Variants in GPAT3 observed in about 807,000 individuals in gnomAD.
The protein encoded by GPAT3 is 1-AGP acyltransferase 9.
In GPAT3, 53 loss-of-function variants were observed where a neutral mutation model predicts 58.8. That is an observed-to-expected ratio of 0.90 (90% CI 0.72 to 1.13). GPAT3 has a LOEUF of 1.13. Among genes scored for constraint, GPAT3 ranks in the 50% most tolerant of loss-of-function variants. GPAT3 has a pLI of 0.00. For synonymous variants in GPAT3, 197 were observed against 187.4 expected, an observed-to-expected ratio of 1.05 and a Z score of -0.42; for missense variants, 511 against 527.6, an observed-to-expected ratio of 0.97 and a Z score of 0.31.
At position 83,586,240 on chromosome 4, in the gene GPAT3, T is replaced by C. The variant is rs549470514; in HGVS notation, c.480-1015T>C. Reference sequence around the variant, plus strand: ...GACAAACGATTTTATGCTCCAAATATCTGATCAGAAAGTAAAGATAGCTAC... The same window carrying C: ...GACAAACGATTTTATGCTCCAAATACCTGATCAGAAAGTAAAGATAGCTAC... On this transcript the variant is annotated intron_variant, in intron 3 of 11. Transcript: ENST00000264409. Among the ~76,000 whole-genome samples the C allele has an allele frequency of 3.3e-5, 5 of 152,272 alleles. No individual in the cohort carries two copies. In the South Asian group the frequency reaches 1.0e-3, roughly 32 times the overall value.
chr4:83,581,947 G>T, intron 3 of GPAT3, 115 bp downstream of exon 3: 3 of 1,374,188 alleles, frequency 2.2e-6, no homozygotes, highest in South Asian at 2.9e-5. Context: ...TTCCCACGTA[G>T]GAAATGCCAC....
intron 3 of GPAT3, among the ~76,000 whole-genome samples, chr4:83,582,776 T>G (rs193081991): frequency 2.7e-4 from 39 of 145,570 alleles, no homozygotes; most frequent in African/African-American, 6.8e-4. Flanking sequence ...ATTTCTGGGT[T>G]GTTGTTGTTG....
At chr4:83,592,236 G>A (rs111690065) in intron 6 of GPAT3, among the ~76,000 whole-genome samples, 185 of 152,192 alleles carry the variant, frequency 1.2e-3, no homozygotes, top group East Asian at 5.4e-3. Flanking sequence ...ATGTATAACC[G>A]CAATTACAAT....
intron 2 of GPAT3, among the ~76,000 whole-genome samples, chr4:83,562,887 T>C (rs1725234246): frequency 1.3e-5 from 2 of 152,158 alleles, no homozygotes; most frequent in Admixed American, 1.3e-4. Flanking sequence ...GTGGGCTATA[T>C]TTTTCTCCCA....
At position 83,536,405 on chromosome 4, in the gene GPAT3, G is replaced by A; in HGVS notation, c.-218G>A. ...AGCCCAGACCTGGGCAGCCAGCGGA[G>A]AAAGAGTTAACTGGCAGGGGCGAGG... On this transcript the variant is annotated 5_prime_UTR_variant, in exon 1 of 12. Transcript: ENST00000264409. 1 of 1,347,054 alleles carries A rather than the reference G, an allele frequency of 7.4e-7. No homozygotes were observed. Among genetic ancestry groups the A allele is most frequent in the Non-Finnish European group, 9.5e-7 (1 of 1,049,594 alleles). The allele number at this position is 1,347,054 out of a possible 1,614,324, so 83.4% of individuals were successfully genotyped here.
At chr4:83,576,664 G>A (rs1055430095) in intron 2 of GPAT3, among the ~76,000 whole-genome samples, 3 of 151,822 alleles carry the variant, frequency 2.0e-5, no homozygotes, top group African/African-American at 7.3e-5. Context: ...GGCTGGTCTC[G>A]AACTCCTGAC....
At chr4:83,585,729 G>T (rs1726351810) in intron 3 of GPAT3, among the ~76,000 whole-genome samples, 1 of 151,894 alleles carries the variant, frequency 6.6e-6, no homozygotes, top group Admixed American at 6.6e-5. Context: ...TCTCGTTACA[G>T]GGATGTGTCA....
Position 83,581,839 on chromosome 4 carries a change from C to A in GPAT3, c.479+7C>A. ...GTGTCCTACTGCCTCTGAGGTAAGT[C>A]ATATGCCTGGTAATTTGATGATACG... On this transcript the variant is annotated splice_region_variant and intron_variant, in intron 3 of 11. Transcript: ENST00000264409. The A allele has an allele frequency of 1.3e-6, 2 of 1,594,936 alleles. No individual in the cohort carries two copies. Among genetic ancestry groups the A allele is most frequent in the South Asian group, 2.2e-5 (2 of 89,370 alleles).
chr4:83,569,623 G>A (rs1230886650), intron 2 of GPAT3, among the ~76,000 whole-genome samples: 2 of 152,240 alleles, frequency 1.3e-5, no homozygotes, highest in South Asian at 2.1e-4. Flanking sequence ...CAGGATGCCT[G>A]TGCACTGATG....
chr4:83,566,564 G>A (rs1348021422), intron 2 of GPAT3, among the ~76,000 whole-genome samples: 4 of 151,232 alleles, frequency 2.6e-5, no homozygotes, highest in South Asian at 4.2e-4. Flanking sequence ...GAGCCACTAC[G>A]CCCGGCCTCC....
intron 8 of GPAT3, 101 bp downstream of exon 8, chr4:83,597,014 T>C: frequency 9.7e-7 from 1 of 1,026,610 alleles, no homozygotes; most frequent in Non-Finnish European, 1.5e-6. Flanking sequence ...TTAGCCCAGA[T>C]CTCTGCCCTT....
At chr4:83,596,418 C>T (rs775977226) in intron 7 of GPAT3, among the ~76,000 whole-genome samples, 2 of 152,022 alleles carry the variant, frequency 1.3e-5, no homozygotes, top group African/African-American at 2.4e-5. Flanking sequence ...CTCAGGAGTT[C>T]GAGACCAACC....
chr4:83,585,375 ATTAC>A (rs1311091736), intron 3 of GPAT3, among the ~76,000 whole-genome samples: 1 of 150,180 alleles, frequency 6.7e-6, no homozygotes, highest in East Asian at 1.9e-4. Context: ...ATATTAATGT[ATTAC>A]TTTATTATCC....
Position 83,593,682 on chromosome 4 carries a change from A to G in GPAT3, c.739-1163A>G, listed in dbSNP as rs1483538025. ...GCTTCACTACTACAAAAAAAAAGGTAGTAAAAAGAGTTCAGGATGTTTTGC... is the reference window on the plus strand; with the variant it reads ...GCTTCACTACTACAAAAAAAAAGGTGGTAAAAAGAGTTCAGGATGTTTTGC... On this transcript the variant is annotated intron_variant, in intron 6 of 11. Coordinates refer to ENST00000264409, the MANE Select transcript of GPAT3 (RefSeq NM_032717.5). 1.9e-4 allele frequency among the ~76,000 whole-genome samples: 29 copies of G among 152,164 alleles called. 1 individual carries two copies.
intron 11 of GPAT3, among the ~76,000 whole-genome samples, chr4:83,602,431 C>G (rs1000017864): frequency 6.6e-6 from 1 of 152,114 alleles, no homozygotes; most frequent in Non-Finnish European, 1.5e-5. Flanking sequence ...CATTGCCTTT[C>G]TAGATTTATT....
At chr4:83,597,914 A>T in intron 9 of GPAT3, 137 bp from the exon 10 acceptor site, 1 of 1,002,304 alleles carries the variant, frequency 1.0e-6, no homozygotes, top group Middle Eastern at 3.3e-4. Context: ...TTTTTTTTTG[A>T]TAAATTCCAT....
At chr4:83,598,502 T>C in intron 10 of GPAT3, 142 bp from the exon 11 acceptor site, 1 of 821,728 alleles carries the variant, frequency 1.2e-6, no homozygotes, top group Non-Finnish European at 2.0e-6. Context: ...ACAAATGATA[T>C]TTGCTATGAT....
At chr4:83,578,649 C>T (rs1490970023) in intron 2 of GPAT3, among the ~76,000 whole-genome samples, 1 of 152,164 alleles carries the variant, frequency 6.6e-6, no homozygotes, top group African/African-American at 2.4e-5. Flanking sequence ...TGTTGCACTG[C>T]TAAATACTGG....
intron 1 of GPAT3, among the ~76,000 whole-genome samples, chr4:83,539,604 T>G (rs1724221583): frequency 6.6e-6 from 1 of 152,208 alleles, no homozygotes; most frequent in South Asian, 2.1e-4. Context: ...GACTCCTTCT[T>G]AACCCACTGG....
Sources: allele counts gnomAD v4.1 joint callset (sites outside exome capture counted in the v4.1 genomes callset), GRCh38; gene constraint gnomAD v4.1.1; transcripts MANE v1.5; gene names NCBI Gene and HGNC (gene_info 2026-07-23, HGNC 2026-07-21).